The following UBE2K variants were observed in gnomAD, a reference collection of about 807,000 sequenced individuals.
The protein encoded by UBE2K is ubiquitin-conjugating enzyme E2 K.
In UBE2K, 6 loss-of-function variants were observed where a neutral mutation model predicts 30.0. The ratio of observed to expected loss-of-function variants is 0.20; its 90% CI spans 0.11 to 0.39. UBE2K has a LOEUF of 0.39. UBE2K is among the 10% of genes least tolerant of loss of function. The pLI is 1.00. For synonymous variants in UBE2K, 86 were observed against 83.7 expected (o/e 1.03, Z -0.15); for missense variants, 61 against 241.6 (o/e 0.25, Z 4.96).
At chr4:39,725,135 C>A (rs936064501) in intron 1 of UBE2K, among the ~76,000 whole-genome samples, 1 of 152,064 alleles carries the variant, frequency 6.6e-6, no homozygotes, top group Non-Finnish European at 1.5e-5. Flanking sequence ...AATCCCAGCA[C>A]TTTGGGAGTC....
At chr4:39,700,914 T>C (rs1246980132) in intron 1 of UBE2K, among the ~76,000 whole-genome samples, 1 of 4,912 alleles carries the variant, frequency 2.0e-4, no homozygotes, top group Non-Finnish European at 4.0e-4. Context: ...TGCAGAATAG[T>C]GTGGAAGAGG....
chr4:39,754,061 A>C (rs1002673647), intron 3 of UBE2K, among the ~76,000 whole-genome samples: 1 of 152,152 alleles, frequency 6.6e-6, no homozygotes, highest in African/African-American at 2.4e-5. Context: ...GGCCCACATG[A>C]AGGGAATGAG....
intron 4 of UBE2K, among the ~76,000 whole-genome samples, chr4:39,758,128 C>CT (rs1711617236): frequency 6.6e-6 from 1 of 152,206 alleles, no homozygotes; most frequent in Admixed American, 6.5e-5. Flanking sequence ...TCTTCCCCAA[C>CT]TAAGTTATTG....
rs1718976206 is a variant in UBE2K at position 39,715,122 on chromosome 4, T to C, written c.63+16732T>C. Among the ~76,000 whole-genome samples the C allele has an allele frequency of 4.7e-5, 7 of 150,326 alleles. No individual in the cohort carries two copies. The Admixed American group carries it at 4.7e-4, about 10-fold the overall frequency. The stretch of plus-strand genomic sequence containing the variant: ...CTCACTGCAAGCTCTGCCTCCTGGG[T>C]TCACGCCATTCTTCTGCCTCAGCCT... On this transcript the variant is annotated intron_variant, in intron 1 of 6. Coordinates refer to ENST00000261427, the MANE Select transcript of UBE2K (RefSeq NM_005339.5).
chr4:39,749,345 A>G (rs1434379727), intron 3 of UBE2K, among the ~76,000 whole-genome samples: 2 of 152,198 alleles, frequency 1.3e-5, no homozygotes, highest in East Asian at 3.8e-4. Context: ...TAGTAAAAAT[A>G]TAGTCCAGTG....
At chr4:39,743,464 C>T (rs907486961) in intron 2 of UBE2K, among the ~76,000 whole-genome samples, 6 of 151,960 alleles carry the variant, frequency 3.9e-5, no homozygotes, top group Non-Finnish European at 5.9e-5. Context: ...ATTAGTCGGG[C>T]GTGGTGACGG....
At chr4:39,770,821 T>TGTCA in intron 4 of UBE2K, 1 of 1,549,540 alleles carries the variant, frequency 6.5e-7, no homozygotes, top group Non-Finnish European at 8.7e-7. Context: ...ACGATGCAGA[T>TGTCA]GTCAGATACG....
intron 1 of UBE2K, among the ~76,000 whole-genome samples, chr4:39,702,231 C>CTTTTTTTTTT (rs564712672): frequency 5.2e-4 from 35 of 67,340 alleles, no homozygotes; most frequent in Non-Finnish European, 8.5e-4. Flanking sequence ...CTTTTCTTTT[C>CTTTTTTTTTT]TTTTTTTTTT....
At chr4:39,707,402 T>C (rs1718427701) in intron 1 of UBE2K, among the ~76,000 whole-genome samples, 3 of 151,252 alleles carry the variant, frequency 2.0e-5, no homozygotes, top group Admixed American at 1.3e-4. Context: ...AGATGGGGTT[T>C]CTAGCCAGGC....
In UBE2K at chr4:39,702,856, A is replaced by C. The variant is rs771634982; in HGVS notation, c.63+4466A>C. 1.3e-5 allele frequency among the ~76,000 whole-genome samples: 2 copies of C among 151,926 alleles called. 1 individual carries two copies. ...GAGTGGCTCTCCTGTGCATTGTGGG[A>C]TGTTTAGCAACATCCCTGACCTCTA... On this transcript the variant is annotated intron_variant, in intron 1 of 6. Coordinates refer to ENST00000261427, the MANE Select transcript of UBE2K (RefSeq NM_005339.5).
At chr4:39,740,957 C>A (rs1266733596) in intron 2 of UBE2K, among the ~76,000 whole-genome samples, 4 of 149,792 alleles carry the variant, frequency 2.7e-5, no homozygotes, top group Non-Finnish European at 5.9e-5. Context: ...GAGAATGGGA[C>A]CAAAAGTTTG....
At chr4:39,740,998 C>T (rs1196264556) in intron 2 of UBE2K, among the ~76,000 whole-genome samples, 9 of 148,886 alleles carry the variant, frequency 6.0e-5, no homozygotes, top group Non-Finnish European at 8.9e-5. Context: ...TCTGCCTGGG[C>T]GGGGTGGCTG....
rs1472463362 is a variant in UBE2K, at chr4:39,782,090, C to T, written c.*3656C>T. ...CTCCCTTGTCCCATTTGTTCTGTTA[C>T]TGCTTCATTGGACTGATACACCCTC... On this transcript the variant is annotated 3_prime_UTR_variant, in exon 7 of 7. Coordinates refer to ENST00000261427, the MANE Select transcript of UBE2K (RefSeq NM_005339.5). 2 of 396,570 alleles carry T rather than the reference C, an allele frequency of 5.0e-6. No individual in the cohort carries two copies. The highest frequency in any genetic ancestry group is 8.9e-6 in the Non-Finnish European group (2 of 224,978). The allele number at this position is 396,570 out of a possible 1,614,324, so 24.6% of individuals were successfully genotyped here.
chr4:39,719,013 G>C (rs1425266506), intron 1 of UBE2K, among the ~76,000 whole-genome samples: 1 of 152,252 alleles, frequency 6.6e-6, no homozygotes, highest in Non-Finnish European at 1.5e-5. Context: ...AGGCCGAGGA[G>C]GCACCAAGAG....
chr4:39,749,792 G>T (rs184712731), intron 3 of UBE2K, among the ~76,000 whole-genome samples: 1 of 152,164 alleles, frequency 6.6e-6, no homozygotes, highest in Non-Finnish European at 1.5e-5. Flanking sequence ...TTTAATGAGC[G>T]TATGCTCATC....
chr4:39,768,746 C>G (rs1342023925), intron 4 of UBE2K, among the ~76,000 whole-genome samples: 1 of 152,160 alleles, frequency 6.6e-6, no homozygotes, highest in African/African-American at 2.4e-5. Flanking sequence ...AATTTGTATT[C>G]CCACCAGCAG....
intron 1 of UBE2K, among the ~76,000 whole-genome samples, chr4:39,732,683 T>TG (rs2109343033): frequency 6.7e-6 from 1 of 149,544 alleles, no homozygotes; most frequent in Non-Finnish European, 1.5e-5. Flanking sequence ...TTTTTTTTTT[T>TG]TTTTTTTTTG....
intron 4 of UBE2K, 151 bp downstream of exon 4, chr4:39,755,890 C>A: frequency 1.8e-6 from 1 of 542,146 alleles, no homozygotes; most frequent in Non-Finnish European, 3.2e-6. Context: ...ACTGAAAATG[C>A]ATTATAATTG....
chr4:39,772,606 A>G (rs1712969716), intron 4 of UBE2K, among the ~76,000 whole-genome samples: 3 of 151,994 alleles, frequency 2.0e-5, no homozygotes, highest in South Asian at 4.1e-4. Flanking sequence ...TCTAATTTAC[A>G]TGGTAAAAAT....
Sources: gnomAD v4.1 joint callset for allele counts (sites outside exome capture counted in the v4.1 genomes callset) on GRCh38, gnomAD v4.1.1 for gene constraint, MANE v1.5 for transcripts, NCBI Gene and HGNC (gene_info 2026-07-23, HGNC 2026-07-21) for gene names.